CPM: variants seen among roughly 807,000 people sequenced by gnomAD.
CPM encodes renal carboxypeptidase.
In CPM, 35 loss-of-function variants were observed where a neutral mutation model predicts 46.4. The ratio of observed to expected loss-of-function variants is 0.75; its 90% CI spans 0.58 to 1.00. The LOEUF is 1.00. Among genes scored for constraint, CPM ranks in the 50% least tolerant of loss-of-function variants. The pLI is 0.00. For missense variants in CPM, 422 were observed against 530.4 expected, an observed-to-expected ratio of 0.80 and a Z score of 2.01; for synonymous variants, 195 against 195.3, an observed-to-expected ratio of 1.00 and a Z score of 0.01.
At chr12:68,908,357 T>C (rs1372150247) in intron 2 of CPM, among the ~76,000 whole-genome samples, 2 of 151,760 alleles carry the variant, frequency 1.3e-5, no homozygotes, top group African/African-American at 4.8e-5. Flanking sequence ...TGTCTCTACC[T>C]ACAGCCATTA....
intron 2 of CPM, among the ~76,000 whole-genome samples, chr12:68,923,997 T>C (rs567949873): frequency 5.3e-5 from 8 of 152,210 alleles, no homozygotes; most frequent in African/African-American, 1.2e-4. Context: ...AAGCTCATCT[T>C]ACCCTATGGA....
At chr12:68,844,320 T>C (rs1050100874) in intron 5 of CPM, 2 of 222,806 alleles carry the variant, frequency 9.0e-6, no homozygotes, top group East Asian at 1.3e-4. Context: ...CTGCCCACTT[T>C]AGAAATACAA....
At chr12:68,863,321 T>C (rs1440780378) in intron 7 of CPM, among the ~76,000 whole-genome samples, 1 of 152,160 alleles carries the variant, frequency 6.6e-6, no homozygotes, top group Non-Finnish European at 1.5e-5. Flanking sequence ...AGCAGGCAGG[T>C]AACACCGTGT....
intron 3 of CPM, among the ~76,000 whole-genome samples, chr12:68,877,629 G>C (rs1341066655): frequency 6.6e-6 from 1 of 152,152 alleles, no homozygotes; most frequent in Non-Finnish European, 1.5e-5. Flanking sequence ...AAAACAATGA[G>C]CTCTGCCTAA....
intron 2 of CPM, among the ~76,000 whole-genome samples, chr12:68,901,819 A>G (rs1887125631): frequency 6.6e-6 from 1 of 152,132 alleles, no homozygotes; most frequent in African/African-American, 2.4e-5. Context: ...CACTTCCTTC[A>G]GTCTCTGGGT....
intron 2 of CPM, among the ~76,000 whole-genome samples, chr12:68,917,961 T>C (rs1238754085): frequency 1.3e-5 from 2 of 152,144 alleles, no homozygotes; most frequent in African/African-American, 2.4e-5. Flanking sequence ...TACTACGACT[T>C]CTCTAGTTTT....
intron 5 of CPM, chr12:68,842,567 GT>G: frequency 2.9e-6 from 1 of 341,416 alleles, no homozygotes; most frequent in South Asian, 2.8e-5. Flanking sequence ...GCATCTCATT[GT>G]TAACTCTTTA....
At chr12:68,879,848 C>T (rs1198316889) in intron 3 of CPM, among the ~76,000 whole-genome samples, 2 of 151,990 alleles carry the variant, frequency 1.3e-5, no homozygotes, top group Non-Finnish European at 1.5e-5. Flanking sequence ...GAAGATTTTC[C>T]CAGGCTTCTC....
intron 1 of CPM, chr12:68,957,452 T>A (rs139607182): frequency 3.7e-6 from 1 of 268,276 alleles, no homozygotes; most frequent in African/African-American, 2.3e-5. Flanking sequence ...GTCTTAAGAA[T>A]GTGCTGGCAA....
chr12:68,842,962 TATATA>T (rs1194857626), intron 5 of CPM: 1 of 210,692 alleles, frequency 4.7e-6, no homozygotes, highest in Non-Finnish European at 9.6e-6. Context: ...TAACTGACAC[TATATA>T]ATTTCTGCTT....
At chr12:68,872,585 G>A (rs1281891748) in intron 3 of CPM, among the ~76,000 whole-genome samples, 1 of 152,066 alleles carries the variant, frequency 6.6e-6, no homozygotes, top group African/African-American at 2.4e-5. Flanking sequence ...TTTTCATTTG[G>A]TTGCCTTCCA....
chr12:68,900,504 A>C (rs888706215), intron 2 of CPM, among the ~76,000 whole-genome samples: 50 of 152,244 alleles, frequency 3.3e-4, no homozygotes, highest in Non-Finnish European at 4.4e-5. Flanking sequence ...TACTCTTGCC[A>C]TATGATCCAG....
chr12:68,882,429 C>T (rs960022904), intron 3 of CPM, among the ~76,000 whole-genome samples: 17 of 152,086 alleles, frequency 1.1e-4, no homozygotes, highest in Non-Finnish European at 2.4e-4. Flanking sequence ...TAGTATTCCA[C>T]GATGTATATG....
chr12:68,866,848 A>G (rs1212603304), intron 7 of CPM, 48 bp downstream of exon 7: 1 of 1,526,092 alleles, frequency 6.6e-7, no homozygotes, highest in Non-Finnish European at 9.0e-7. Flanking sequence ...GTCTTGCCAG[A>G]TGCTCTATTT....
chr12:68,903,879 ATTCTTTCTTTCT>A (rs59823463), intron 2 of CPM, among the ~76,000 whole-genome samples: 8 of 139,948 alleles, frequency 5.7e-5, no homozygotes, highest in East Asian at 2.2e-4. Context: ...CCTTTCTCTC[ATTCTTTCTTTCT>A]TTCTTTCTTT....
chr12:68,947,596 CAA>C (rs908158713), intron 1 of CPM, among the ~76,000 whole-genome samples: 7 of 121,040 alleles, frequency 5.8e-5, no homozygotes, highest in Non-Finnish European at 5.3e-5. Flanking sequence ...GACTCTGTCT[CAA>C]AAAAAAAAAA....
intron 1 of CPM, among the ~76,000 whole-genome samples, chr12:68,945,753 A>G (rs1888835711): frequency 6.6e-6 from 1 of 152,104 alleles, no homozygotes; most frequent in Non-Finnish European, 1.5e-5. Flanking sequence ...GATTCAGGTA[A>G]ATATCCCCAA....
chr12:68,943,284 ACC>A (rs1226088541), intron 1 of CPM, among the ~76,000 whole-genome samples: 1 of 152,126 alleles, frequency 6.6e-6, no homozygotes, highest in African/African-American at 2.4e-5. Flanking sequence ...GATTATAGTG[ACC>A]TTACAGGGTT....
intron 2 of CPM, among the ~76,000 whole-genome samples, chr12:68,929,774 A>G (rs1173747160): frequency 6.6e-6 from 1 of 152,242 alleles, no homozygotes; most frequent in Non-Finnish European, 1.5e-5. Context: ...GAAAATTCAC[A>G]TAATCAAGAG....
Sources: allele counts gnomAD v4.1 joint callset (sites outside exome capture counted in the v4.1 genomes callset), GRCh38; gene constraint gnomAD v4.1.1; transcripts MANE v1.5; gene names NCBI Gene and HGNC (gene_info 2026-07-23, HGNC 2026-07-21).